Variants in NOS1AP observed in about 807,000 individuals in gnomAD.
The protein encoded by NOS1AP is nitric oxide synthase 1 adaptor protein.
NOS1AP carries 21 observed loss-of-function variants against 56.2 expected under a neutral mutation model. The observed-to-expected ratio is 0.37, with a 90% CI of 0.26 to 0.54. NOS1AP has a LOEUF of 0.54. NOS1AP is among the 20% of genes least tolerant of loss of function. The pLI, the probability that NOS1AP is intolerant of heterozygous loss-of-function variation, is 0.84. For missense variants in NOS1AP, 522 were observed against 657.8 expected (o/e 0.79, Z 2.26); for synonymous variants, 270 against 274.6 (o/e 0.98, Z 0.17).
intron 1 of NOS1AP, among the ~76,000 whole-genome samples, chr1:162,088,416 A>AT (rs1692050493): frequency 1.3e-5 from 2 of 152,106 alleles, no homozygotes; most frequent in Non-Finnish European, 2.9e-5. Flanking sequence ...CTCCCAGGTG[A>AT]TTTTGCCATG....
intron 8 of NOS1AP, chr1:162,364,295 T>C (rs1355665179): frequency 1.0e-6 from 1 of 985,304 alleles, no homozygotes; most frequent in Non-Finnish European, 1.2e-6. Context: ...AACACCCTTT[T>C]CCCCATAAGC....
intron 1 of NOS1AP, among the ~76,000 whole-genome samples, chr1:162,106,186 G>T (rs1647501536): frequency 6.6e-6 from 1 of 152,196 alleles, no homozygotes; most frequent in South Asian, 2.1e-4. Flanking sequence ...TTCCCAGGCA[G>T]GGCTGCACAA....
intron 5 of NOS1AP, among the ~76,000 whole-genome samples, chr1:162,337,692 GA>G (rs1290285348): frequency 1.3e-5 from 2 of 152,318 alleles, no homozygotes; most frequent in Non-Finnish European, 2.9e-5. Flanking sequence ...TGGACTAGCA[GA>G]GTAGAAGGAA....
intron 2 of NOS1AP, among the ~76,000 whole-genome samples, chr1:162,281,746 G>T (rs957425028): frequency 1.3e-5 from 2 of 152,196 alleles, no homozygotes; most frequent in African/African-American, 4.8e-5. Context: ...AAGTGGACTT[G>T]CCGTGAGAAC....
intron 2 of NOS1AP, among the ~76,000 whole-genome samples, chr1:162,190,814 G>A (rs1229237005): frequency 6.6e-6 from 1 of 152,044 alleles, no homozygotes; most frequent in Admixed American, 6.6e-5. Context: ...TTACTTTTAT[G>A]AAATCAACTT....
At chr1:162,101,692 T>C (rs964556227) in intron 1 of NOS1AP, among the ~76,000 whole-genome samples, 34 of 152,100 alleles carry the variant, frequency 2.2e-4, no homozygotes, top group African/African-American at 8.2e-4. Context: ...ATTTTATTCT[T>C]TTTGTAGCAA....
intron 9 of NOS1AP, among the ~76,000 whole-genome samples, chr1:162,365,827 A>C (rs1396684672): frequency 6.6e-6 from 1 of 152,144 alleles, no homozygotes; most frequent in African/African-American, 2.4e-5. Flanking sequence ...CTATGTGCTC[A>C]TCCAGTCTCT....
chr1:162,302,199 G>A (rs947275216), intron 4 of NOS1AP, among the ~76,000 whole-genome samples: 7 of 152,162 alleles, frequency 4.6e-5, no homozygotes, highest in African/African-American at 9.7e-5. Flanking sequence ...CCACTAGCCT[G>A]TTAGGCTCTT....
At chr1:162,289,093 A>G (rs1166883848) in intron 3 of NOS1AP, among the ~76,000 whole-genome samples, 1 of 152,212 alleles carries the variant, frequency 6.6e-6, no homozygotes, top group Non-Finnish European at 1.5e-5. Context: ...CACATGTGTA[A>G]GATTGCTTTC....
At chr1:162,178,891 A>G in intron 2 of NOS1AP, among the ~76,000 whole-genome samples, 1 of 152,240 alleles carries the variant, frequency 6.6e-6, no homozygotes, top group East Asian at 1.9e-4. Context: ...ACACCAAAGT[A>G]AAAAGACTAG....
chr1:162,142,642 G>T (rs116025745), intron 1 of NOS1AP, among the ~76,000 whole-genome samples: 1 of 152,272 alleles, frequency 6.6e-6, no homozygotes, highest in African/African-American at 2.4e-5. Flanking sequence ...TGTTAAAGGC[G>T]AAAGCATGTG....
chr1:162,070,467 T>G (rs1691637697), intron 1 of NOS1AP, among the ~76,000 whole-genome samples, 185 bp downstream of exon 1: 1 of 152,116 alleles, frequency 6.6e-6, no homozygotes, highest in Non-Finnish European at 1.5e-5. Context: ...CCAGAACTGC[T>G]CAAGAGCAAC....
rs181196210 is a variant in NOS1AP, at chr1:162,122,796, C to T, written c.106-31609C>T. On this transcript the variant is annotated intron_variant, in intron 1 of 9. Transcript: ENST00000361897. ...TTGGGGTTACAGGCATGAGCCATGG[C>T]ACCCAGCCCCCAATTTTTAATTACA... Among the ~76,000 whole-genome samples the T allele has an allele frequency of 2.9e-3, 445 of 152,252 alleles. 3 individuals carry two copies. The highest frequency in any genetic ancestry group is 0.01 in the African/African-American group (417 of 41,568).
chr1:162,151,410 A>G (rs1169511746), intron 1 of NOS1AP, among the ~76,000 whole-genome samples: 3 of 152,276 alleles, frequency 2.0e-5, no homozygotes, highest in East Asian at 3.9e-4. Flanking sequence ...ACCTGGTTAC[A>G]TGTTTTGTTC....
At position 162,261,233 on chromosome 1, in the gene NOS1AP, C is replaced by G. The variant is rs145157879; in HGVS notation, c.178-26111C>G. On this transcript the variant is annotated intron_variant, in intron 2 of 9. Transcript: ENST00000361897. ...TTCCAGGGAACTCAAGCTTTCCCCT[C>G]TAAGCATCAGTCCTATCTTTCAAAA... Among the ~76,000 whole-genome samples the G allele has an allele frequency of 1.0e-3, 144 of 139,104 alleles. 20 individuals carry two copies. The highest frequency in any genetic ancestry group is 3.5e-3 in the African/African-American group (129 of 36,510). 91.3% of individuals were successfully genotyped at this position (139,104 alleles called of 152,430 possible).
chr1:162,097,574 T>A (rs1160008697), intron 1 of NOS1AP, among the ~76,000 whole-genome samples: 3 of 152,236 alleles, frequency 2.0e-5, no homozygotes, highest in Non-Finnish European at 4.4e-5. Context: ...ATTCTAATTT[T>A]GTTTTTTCTC....
At chr1:162,225,830 A>T (rs1026003979) in intron 2 of NOS1AP, among the ~76,000 whole-genome samples, 2 of 152,212 alleles carry the variant, frequency 1.3e-5, no homozygotes, top group Non-Finnish European at 2.9e-5. Flanking sequence ...ATTAGGATAG[A>T]ATAGGCCCTA....
At chr1:162,092,641 T>C (rs182601206) in intron 1 of NOS1AP, among the ~76,000 whole-genome samples, 40 of 152,328 alleles carry the variant, frequency 2.6e-4, no homozygotes, top group Middle Eastern at 3.4e-3. Flanking sequence ...TGGTACATGA[T>C]TTATGCTCAA....
intron 2 of NOS1AP, among the ~76,000 whole-genome samples, chr1:162,185,101 G>A (rs1253882274): frequency 6.6e-6 from 1 of 152,180 alleles, no homozygotes; most frequent in Admixed American, 6.5e-5. Context: ...TATCTTCAAA[G>A]CCAGCATTAT....
Sources: gnomAD v4.1 joint callset for allele counts (sites outside exome capture counted in the v4.1 genomes callset) on GRCh38, gnomAD v4.1.1 for gene constraint, MANE v1.5 for transcripts, NCBI Gene and HGNC (gene_info 2026-07-23, HGNC 2026-07-21) for gene names.